The following ACIN1 variants were observed in gnomAD, a reference collection of about 807,000 sequenced individuals.
The protein encoded by ACIN1 is apoptotic chromatin condensation inducer in the nucleus.
A neutral mutation model predicts 146.6 loss-of-function variants in ACIN1; 16 were observed. That is an observed-to-expected ratio of 0.11 (90% CI 0.07 to 0.17). The LOEUF (loss-of-function observed/expected upper bound fraction) is 0.17, where lower values mean the gene tolerates loss of function less well. Among genes scored for constraint, ACIN1 ranks in the 10% least tolerant of loss-of-function variants. ACIN1 has a pLI of 1.00. For synonymous variants in ACIN1, 569 were observed against 582.7 expected (o/e 0.98, Z 0.34); for missense variants, 1,357 against 1,609.3 (o/e 0.84, Z 2.68).
Position 23,079,729 on chromosome 14 carries a change from G to A in ACIN1, c.1606C>T (p.Arg536Cys), listed in dbSNP as rs371741350. 263 of 1,614,026 alleles carry A rather than the reference G, an allele frequency of 1.6e-4. No homozygotes were observed. The highest frequency in any genetic ancestry group is 2.1e-4 in the Non-Finnish European group (253 of 1,180,034). Residue 536 changes from arginine to cysteine, a missense_variant, in exon 6 of 19, where the codon CGC becomes TGC. Arg to Cys is a radical substitution (Grantham distance 180, BLOSUM62 -3). Around this residue, in one of 4 missense-constraint regions of ACIN1, gnomAD observed 771 missense variants for 746.6 expected, o/e 1.03. Coordinates refer to ENST00000605057, the MANE Select transcript of ACIN1 (RefSeq NM_001386863.1). ...CGAGAACCTGAACTGTCAGGAGAGC[G>A]AGATCTTGATCTAGAACTGGAGGAG... ...SSSSSSRSRSRSPDSSGSRSH... is the reference protein window; with the variant it reads ...SSSSSSRSRSCSPDSSGSRSH...
At chr14:23,076,408 T>G (rs888069892) in intron 8 of ACIN1, 1 of 152,182 alleles carries the variant, frequency 6.6e-6, no homozygotes, top group Non-Finnish European at 1.5e-5. Context: ...GCCTATCATC[T>G]TATTAGAATC....
rs753331498 is a variant in ACIN1, at chr14:23,062,309, G to T, written c.2992-34C>A. 19 of 1,604,302 alleles carry T rather than the reference G, an allele frequency of 1.2e-5. No individual in the cohort carries two copies. The South Asian group carries it at 2.0e-4, about 17-fold the overall frequency. On this transcript the variant is annotated intron_variant, in intron 15 of 18. Coordinates refer to ENST00000605057, the MANE Select transcript of ACIN1 (RefSeq NM_001386863.1). ...GGAAGGGAGAAGATGGAGGGTCACA[G>T]TGTGTCTGCAACCCTTCCCACGTGC... is the stretch of plus-strand genomic sequence containing the variant.
intron 4 of ACIN1, among the ~76,000 whole-genome samples, chr14:23,089,415 T>C (rs78238211): frequency 0.01 from 1,525 of 152,258 alleles, 28 homozygotes; most frequent in African/African-American, 0.035. Flanking sequence ...ACCAATCCCA[T>C]ATACTAGGTT....
At chr14:23,083,771 C>T (rs889233315) in intron 4 of ACIN1, among the ~76,000 whole-genome samples, 16 of 152,146 alleles carry the variant, frequency 1.1e-4, no homozygotes, top group African/African-American at 3.9e-4. Context: ...GCAATACTAA[C>T]ATCAATGAGA....
chr14:23,082,121 G>A (rs2047958417), intron 4 of ACIN1, among the ~76,000 whole-genome samples: 1 of 152,098 alleles, frequency 6.6e-6, no homozygotes, highest in Non-Finnish European at 1.5e-5. Context: ...ATAATTTCCA[G>A]GGGCTTCAAA....
intron 10 of ACIN1, 33 bp downstream of exon 10, chr14:23,065,933 T>C (rs975183024): frequency 1.2e-6 from 2 of 1,603,776 alleles, no homozygotes; most frequent in Non-Finnish European, 1.7e-6. Flanking sequence ...ATGGTATTCC[T>C]GACTTTTATC....
Position 23,080,783 on chromosome 14 carries a change from G to T in ACIN1, c.552C>A (p.Gly184=), listed in dbSNP as rs747139416. 2.5e-6 allele frequency: 4 copies of T among 1,608,030 alleles called. No individual in the cohort carries two copies. In the African/African-American group the frequency reaches 5.4e-5, roughly 22 times the overall value. The change falls in exon 6 of 19, where the codon GGC becomes GGA. Residue 184 remains glycine, a synonymous_variant. Transcript: ENST00000605057. ...CCTCTTCCTCCTCAGCAGGTTGGCT[G>T]CCCTCAGACAGTTTAGCTGCTCTTG... ...RQARAAKLSE[G]SQPAEEEEDQ...
intron 8 of ACIN1, among the ~76,000 whole-genome samples, chr14:23,072,149 T>C (rs2047677193): frequency 6.6e-6 from 1 of 152,164 alleles, no homozygotes; most frequent in African/African-American, 2.4e-5. Context: ...GTGTTACTAC[T>C]CCAACATGTC....
chr14:23,079,425 A>G (rs1394164225), intron 6 of ACIN1, 122 bp downstream of exon 6: 1 of 1,459,814 alleles, frequency 6.9e-7, no homozygotes, highest in Non-Finnish European at 9.2e-7. Context: ...TAATCAGTGA[A>G]GGAGAGTAAA....
rs1389744844 is a variant in ACIN1 at position 23,061,073 on chromosome 14, A to AGAGCACTC, written c.3525+3_3525+10dup. 1.9e-6 allele frequency: 3 copies of AGAGCACTC among 1,613,256 alleles called. No homozygotes were observed. The highest frequency in any genetic ancestry group is 2.5e-6 in the Non-Finnish European group (3 of 1,179,726). On this transcript the variant is annotated intron_variant, in intron 18 of 18. Transcript: ENST00000605057. ...GCCACTAGGGAGCAGGGCACGAAGA[A>AGAGCACTC]GAGCACTCACCTGGCTGTCAGTCAG...
chr14:23,063,051 G>T lies in ACIN1; in HGVS notation c.2761C>A (p.Arg921=). 6.2e-7 allele frequency: 1 copy of T among 1,612,870 alleles called. No individual in the cohort carries two copies. Among genetic ancestry groups the T allele is most frequent in the South Asian group, 1.1e-5 (1 of 90,800 alleles). The change falls in exon 14 of 19, where the codon CGA becomes AGA. Residue 921 remains arginine (R), a synonymous_variant. Coordinates refer to ENST00000605057, the MANE Select transcript of ACIN1 (RefSeq NM_001386863.1). ...KKVTLGDTLT[R]RSISQQKSGV... ...GACTTCTGCTGGCTAATGGAACGTC[G>T]AGTTAAGGTATCTCCTAAAGTCACT...
upstream of ACIN1, chr14:23,095,303 T>A: frequency 6.3e-7 from 1 of 1,584,018 alleles, no homozygotes; most frequent in Middle Eastern, 1.7e-4. Flanking sequence ...CAATCAATTC[T>A]TTCCATCCGC....
intron 8 of ACIN1, among the ~76,000 whole-genome samples, chr14:23,069,857 G>A (rs1443499300): frequency 1.3e-5 from 2 of 152,074 alleles, no homozygotes; most frequent in Non-Finnish European, 2.9e-5. Context: ...GCCCAGATGA[G>A]TTAAAAGTTG....
chr14:23,065,909 G>C, intron 10 of ACIN1, 57 bp downstream of exon 10: 2 of 1,520,284 alleles, frequency 1.3e-6, no homozygotes, highest in Non-Finnish European at 1.8e-6. Context: ...GGTTCTCAAT[G>C]AATGCTGGTT....
chr14:23,069,540 A>C lies in ACIN1; in HGVS notation c.2201T>G (p.Ile734Ser). Residue 734 changes from isoleucine to serine, a missense_variant, in exon 9 of 19, where the codon ATT becomes AGT. Coordinates refer to ENST00000605057, the MANE Select transcript of ACIN1 (RefSeq NM_001386863.1). Reference sequence around the variant, plus strand: ...GTCATCATTGCTGACTTGGTCTGCAATAGGCATGGGAGGTTCTGGAACATC... The same window carrying C: ...GTCATCATTGCTGACTTGGTCTGCACTAGGCATGGGAGGTTCTGGAACATC... ...ENDVPEPPMP[I>S]ADQVSNDDRP... 6.2e-7 allele frequency: 1 copy of C among 1,601,426 alleles called. No homozygotes were observed.
chr14:23,094,709 GGGAAGGA>G (rs1028730200), intron 1 of ACIN1: 5 of 661,214 alleles, frequency 7.6e-6, no homozygotes, highest in Admixed American at 7.3e-5. Flanking sequence ...GAGGGGGTGG[GGGAAGGA>G]GGAAGGAGCT....
In ACIN1 at chr14:23,090,049, G is replaced by C. The variant is rs753226844; in HGVS notation, c.369C>G (p.Ser123=). The change falls in exon 4 of 19, where the codon TCC becomes TCG. Residue 123 remains serine, a synonymous_variant. Transcript: ENST00000605057. ...TGCTCTGAAAGTCAGGAGGCAGCAG[G>C]GAAGCCACTCCCTCAGGATGGATCA... ...DEMIHPEGVA[S]LLPPDFQSSL... is the part of the protein sequence containing the mutation. 3 of 1,613,544 alleles carry C rather than the reference G, an allele frequency of 1.9e-6. No individual in the cohort carries two copies. The African/African-American group carries it at 4.0e-5, about 22-fold the overall frequency.
At chr14:23,076,278 T>C (rs2047799311) in intron 8 of ACIN1, among the ~76,000 whole-genome samples, 3 of 152,206 alleles carry the variant, frequency 2.0e-5, no homozygotes, top group Admixed American at 1.3e-4. Flanking sequence ...GGAAAGCAGG[T>C]ACGAGTGATG....
At chr14:23,090,132 A>G in intron 3 of ACIN1, 31 bp from the exon 4 acceptor site, 1 of 1,604,984 alleles carries the variant, frequency 6.2e-7, no homozygotes, top group East Asian at 2.2e-5. Context: ...CGGGGCAGGG[A>G]GGGAGTGAAG....
Sources: gnomAD v4.1 joint callset for allele counts (sites outside exome capture counted in the v4.1 genomes callset) on GRCh38, gnomAD v4.1.1 for gene constraint, gnomAD v4.1.1 regional missense constraint, MANE v1.5 for transcripts, NCBI Gene and HGNC (gene_info 2026-07-23, HGNC 2026-07-21) for gene names.